The following ZKSCAN1 variants were observed in gnomAD, a reference collection of about 807,000 sequenced individuals.
The protein encoded by ZKSCAN1 is zinc finger with KRAB and SCAN domains 1, also known as zinc finger protein with KRAB and SCAN domains 1.
A neutral mutation model predicts 51.6 loss-of-function variants in ZKSCAN1; 14 were observed. The observed-to-expected ratio is 0.27, with a 90% CI of 0.18 to 0.42. The LOEUF (loss-of-function observed/expected upper bound fraction) is 0.42. ZKSCAN1 is among the 10% of genes least tolerant of loss of function. The pLI is 1.00. For missense variants in ZKSCAN1, 531 were observed against 710.0 expected (o/e 0.75, Z 2.86); for synonymous variants, 263 against 261.5 (o/e 1.01, Z -0.06).
chr7:100,016,261 A>AT (rs977138668), intron 1 of ZKSCAN1, among the ~76,000 whole-genome samples: 1 of 152,070 alleles, frequency 6.6e-6, no homozygotes, highest in Non-Finnish European at 1.5e-5. Context: ...CTGAGCGGTG[A>AT]TTAAAGAGTA....
chr7:100,018,218 A>T (rs1261995211), intron 1 of ZKSCAN1, among the ~76,000 whole-genome samples: 1 of 152,180 alleles, frequency 6.6e-6, no homozygotes. Context: ...TTTGAGTGCA[A>T]CATTGAATGT....
At chr7:100,030,158 T>G (rs1270436771) in intron 4 of ZKSCAN1, 91 bp from the exon 5 acceptor site, 2 of 1,553,838 alleles carry the variant, frequency 1.3e-6, no homozygotes, top group East Asian at 4.5e-5. Flanking sequence ...CCTGTAGCTT[T>G]GCAGCCACCT....
rs1175480004 is a variant in ZKSCAN1, at chr7:100,041,359, CCTT to C, written c.*7163_*7165del. 3.0e-6 allele frequency: 3 copies of C among 984,912 alleles called. No homozygotes were observed. The highest frequency in any genetic ancestry group is 4.7e-5 in the South Asian group (1 of 21,276). 61.0% of individuals were successfully genotyped at this position (984,912 alleles called of 1,614,324 possible). A position where few individuals can be genotyped will look rare whatever the true frequency, so the allele number is the denominator to read the frequency against. ...ATTGAATGTGTTCATTTAAAATCCT[CCTT>C]AACATTTCTAGAAAGACTTCTTTCA... is the stretch of plus-strand genomic sequence containing the variant. On this transcript the variant is annotated 3_prime_UTR_variant, in exon 6 of 6. Transcript: ENST00000324306.
Position 100,040,774 on chromosome 7 carries a change from C to A in ZKSCAN1, c.*6577C>A. ...TGGGGTTGGTACCCGAGCGCCTTCC[C>A]CTCACCTCAACCAGAGAAGAGCATC... On this transcript the variant is annotated 3_prime_UTR_variant, in exon 6 of 6. Transcript: ENST00000324306. 5 of 985,450 alleles carry A rather than the reference C, an allele frequency of 5.1e-6. No homozygotes were observed. Among genetic ancestry groups the A allele is most frequent in the Non-Finnish European group, 6.0e-6 (5 of 829,966 alleles). 61.0% of individuals were successfully genotyped at this position (985,450 alleles called of 1,614,324 possible). A position where few individuals can be genotyped will look rare whatever the true frequency, so the allele number is the denominator to read the frequency against.
At chr7:100,018,221 T>C (rs2115808373) in intron 1 of ZKSCAN1, among the ~76,000 whole-genome samples, 1 of 152,272 alleles carries the variant, frequency 6.6e-6, no homozygotes, top group African/African-American at 2.4e-5. Context: ...GAGTGCAACA[T>C]TGAATGTAGA....
chr7:100,021,734 G>T (rs184682703), intron 1 of ZKSCAN1, among the ~76,000 whole-genome samples: 1 of 149,236 alleles, frequency 6.7e-6, no homozygotes, highest in African/African-American at 2.5e-5. Flanking sequence ...TTCTCTATAA[G>T]AATCTTTTTT....
At chr7:100,020,197 A>G (rs1790536825) in intron 1 of ZKSCAN1, among the ~76,000 whole-genome samples, 1 of 152,226 alleles carries the variant, frequency 6.6e-6, no homozygotes, top group Non-Finnish European at 1.5e-5. Context: ...AAGGTTAAGT[A>G]GGATTTGAAA....
At chr7:100,017,322 A>G (rs1790411500) in intron 1 of ZKSCAN1, among the ~76,000 whole-genome samples, 1 of 152,040 alleles carries the variant, frequency 6.6e-6, no homozygotes, top group South Asian at 2.1e-4. Flanking sequence ...TCCCGAGTTC[A>G]AGCGATCCTC....
chr7:100,038,601 G>A lies in ZKSCAN1; in HGVS notation c.*4404G>A, dbSNP rs1323963029. The A allele has an allele frequency of 6.1e-6, 6 of 985,380 alleles. No individual in the cohort carries two copies. The highest frequency in any genetic ancestry group is 7.2e-6 in the Non-Finnish European group (6 of 829,972). 61.0% of individuals were successfully genotyped at this position (985,380 alleles called of 1,614,324 possible). A position where few individuals can be genotyped will look rare whatever the true frequency, so the allele number is the denominator to read the frequency against. ...GGTCTTCTCCATGAAGCGAGAGTAG[G>A]AAGTGTACTGGAATGGCCAAGTGGG... On this transcript the variant is annotated 3_prime_UTR_variant, in exon 6 of 6. Transcript: ENST00000324306.
At chr7:100,030,204 C>T (rs1791047113) in intron 4 of ZKSCAN1, 45 bp from the exon 5 acceptor site, 1 of 1,600,784 alleles carries the variant, frequency 6.2e-7, no homozygotes, top group Non-Finnish European at 8.5e-7. Context: ...ATGGGATTGT[C>T]CCTGAGTTTG....
chr7:100,044,376 A>G (rs1791672660), downstream of ZKSCAN1, among the ~76,000 whole-genome samples: 2 of 152,070 alleles, frequency 1.3e-5, no homozygotes, highest in African/African-American at 2.4e-5. Context: ...TGCTTTAACA[A>G]GTAGCACTGA....
At chr7:100,018,230 GAATGA>G (rs1790450588) in intron 1 of ZKSCAN1, among the ~76,000 whole-genome samples, 2 of 152,152 alleles carry the variant, frequency 1.3e-5, no homozygotes, top group South Asian at 4.1e-4. Flanking sequence ...ATTGAATGTA[GAATGA>G]TCGGGCTTTT....
In ZKSCAN1 at chr7:100,039,862, AAAAG is replaced by A. The variant is rs1791519355; in HGVS notation, c.*5669_*5672del. 2.0e-6 allele frequency: 2 copies of A among 985,432 alleles called. No homozygotes were observed. Among genetic ancestry groups the A allele is most frequent in the Non-Finnish European group, 2.4e-6 (2 of 829,898 alleles). The allele number at this position is 985,432 out of a possible 1,614,324, so 61.0% of individuals were successfully genotyped here. A position where few individuals can be genotyped will look rare whatever the true frequency, so the allele number is the denominator to read the frequency against. ...GTTAAATGAAATATAGAATCAGAGA[AAAAG>A]AAAAGTCAGTGATATAAATAGATCA... On this transcript the variant is annotated 3_prime_UTR_variant, in exon 6 of 6. Transcript: ENST00000324306.
intron 1 of ZKSCAN1, among the ~76,000 whole-genome samples, chr7:100,017,181 TA>T (rs143221456): frequency 1.3e-5 from 2 of 151,948 alleles, no homozygotes; most frequent in Admixed American, 6.6e-5. Context: ...GATTGCTCTT[TA>T]AAAAAATGAG....
chr7:100,036,726 A>AAAAG lies in ZKSCAN1; in HGVS notation c.*2541_*2544dup. ...GCAAAACTCCATCTCAAAAAAAAAA[A>AAAAG]AAAGAAAGAAAGAAACTGAAAAGTG... is the stretch of plus-strand genomic sequence containing the variant. On this transcript the variant is annotated 3_prime_UTR_variant, in exon 6 of 6. Transcript: ENST00000324306. 1.0e-6 allele frequency: 1 copy of AAAAG among 984,550 alleles called. No individual in the cohort carries two copies. The highest frequency in any genetic ancestry group is 1.2e-6 in the Non-Finnish European group (1 of 829,506). 61.0% of individuals were successfully genotyped at this position (984,550 alleles called of 1,614,324 possible).
At chr7:100,045,180 G>A (rs190742211), downstream of ZKSCAN1, among the ~76,000 whole-genome samples, 16 of 152,138 alleles carry the variant, frequency 1.1e-4, no homozygotes, top group African/African-American at 3.6e-4. Context: ...GCTGAGGCAG[G>A]AGGATTGCTT....
At position 100,033,489 on chromosome 7, in the gene ZKSCAN1, A is replaced by G; in HGVS notation, c.984A>G (p.Arg328=). Residue 328 remains arginine, a synonymous_variant, in exon 6 of 6, where the codon AGA becomes AGG. Coordinates refer to ENST00000324306, the MANE Select transcript of ZKSCAN1 (RefSeq NM_003439.4). The surrounding 1 kb of genome is among the most constrained non-coding windows in gnomAD (Gnocchi z 4.1). ...AGGAGAAAACCAGGAAAGAGAAAAG[A>G]GATTCAGGGCCAGCTATAGGAAAGG... ...NPEEKTRKEK[R]DSGPAIGKDK... 6.2e-7 allele frequency: 1 copy of G among 1,613,958 alleles called. No homozygotes were observed. Among genetic ancestry groups the G allele is most frequent in the Non-Finnish European group, 8.5e-7 (1 of 1,179,936 alleles).
intron 3 of ZKSCAN1, among the ~76,000 whole-genome samples, chr7:100,025,164 C>A (rs894460410): frequency 6.6e-6 from 1 of 151,728 alleles, no homozygotes; most frequent in Non-Finnish European, 1.5e-5. Context: ...GTATTGGGAA[C>A]AGATGTCATT....
chr7:100,031,404 A>G (rs1442025163), intron 5 of ZKSCAN1, among the ~76,000 whole-genome samples: 4 of 151,048 alleles, frequency 2.6e-5, no homozygotes, highest in Non-Finnish European at 4.4e-5. Flanking sequence ...CAGCCTCCCA[A>G]GTAGCTGGGA....
Sources: allele counts gnomAD v4.1 joint callset (sites outside exome capture counted in the v4.1 genomes callset), GRCh38; gene constraint gnomAD v4.1.1; non-coding constraint Gnocchi (gnomAD v3.1); transcripts MANE v1.5; gene names NCBI Gene and HGNC (gene_info 2026-07-23, HGNC 2026-07-21).